CFAP68: variants seen among roughly 807,000 people sequenced by gnomAD.
CFAP68 encodes cilia- and flagella-associated protein 68.
chr11:111,884,525 G>A, the CFAP68 span: 3 of 151,446 alleles, frequency 2.0e-5, no homozygotes, highest in African/African-American at 4.9e-5. Context: ...AACCACTGTG[G>A]TCTTCCCTTC....
chr11:111,882,467 A>T, the CFAP68 span: 3 of 1,614,088 alleles, frequency 1.9e-6, no homozygotes, highest in Non-Finnish European at 1.7e-6. Context: ...TAATATGTCC[A>T]AGTTTTTCCA....
chr11:111,880,931 AC>A, the CFAP68 span: 1 of 379,046 alleles, frequency 2.6e-6, no homozygotes, highest in Non-Finnish European at 5.3e-6. Context: ...ATACAATTAT[AC>A]TTTCACTTTG....
chr11:111,884,240 G>A, the CFAP68 span: 5 of 177,496 alleles, frequency 2.8e-5, no homozygotes, highest in East Asian at 1.8e-4. Flanking sequence ...TTGGGAGGCC[G>A]AGGCAGGTGG....
chr11:111,880,700 G>A, the CFAP68 span: 1 of 452,004 alleles, frequency 2.2e-6, no homozygotes, highest in East Asian at 7.0e-5. Flanking sequence ...TGCATATGGA[G>A]TAGCCATTCT....
At chr11:111,880,859 A>C in the CFAP68 span, 1 of 452,238 alleles carries the variant, frequency 2.2e-6, no homozygotes, top group South Asian at 1.6e-5. Context: ...AGCCATTTTA[A>C]CAGACTGAAT....
At chr11:111,881,711 A>G in the CFAP68 span, 3 of 1,342,444 alleles carry the variant, frequency 2.2e-6, no homozygotes, top group African/African-American at 1.5e-5. Flanking sequence ...TCAGACATTG[A>G]TCATCTGGTA....
the CFAP68 span, chr11:111,882,500 A>G: frequency 5.0e-6 from 8 of 1,614,160 alleles, no homozygotes; most frequent in South Asian, 6.6e-5. Context: ...ATGCACCACT[A>G]ATGAGAATAC....
the CFAP68 span, among the ~76,000 whole-genome samples, chr11:111,882,905 C>T: frequency 6.6e-6 from 1 of 152,124 alleles, no homozygotes; most frequent in Non-Finnish European, 1.5e-5. Flanking sequence ...CTAGCTTTTC[C>T]CCTGGTCCTT....
the CFAP68 span, chr11:111,882,604 C>G: frequency 6.5e-7 from 1 of 1,546,552 alleles, no homozygotes; most frequent in Non-Finnish European, 8.7e-7. Context: ...CCCAGGTAAT[C>G]TAACTTTGTC....
At chr11:111,881,420 G>A in the CFAP68 span, 2 of 1,532,446 alleles carry the variant, frequency 1.3e-6, no homozygotes, top group South Asian at 1.2e-5. Context: ...AGGCAAGTGG[G>A]TGGTGACTCC....
the CFAP68 span, chr11:111,881,124 T>G: frequency 1.0e-6 from 1 of 1,004,388 alleles, no homozygotes; most frequent in African/African-American, 1.7e-5. Context: ...AGTGACTGGA[T>G]GAAAATTAAA....
the CFAP68 span, chr11:111,881,231 A>G: frequency 7.3e-7 from 1 of 1,365,712 alleles, no homozygotes. Context: ...AGTTACACCT[A>G]GATCTCCAGT....
the CFAP68 span, chr11:111,880,663 G>A: frequency 5.1e-6 from 2 of 393,348 alleles, no homozygotes; most frequent in East Asian, 7.6e-5. Context: ...CATAAAAATG[G>A]GCAACCAGCT....
At chr11:111,881,377 G>A in the CFAP68 span, 1 of 1,504,886 alleles carries the variant, frequency 6.6e-7, no homozygotes. Flanking sequence ...ATCCTTCAAT[G>A]CTGCATTATT....
chr11:111,882,777 A>G, the CFAP68 span, among the ~76,000 whole-genome samples: 1 of 152,296 alleles, frequency 6.6e-6, no homozygotes, highest in East Asian at 1.9e-4. Context: ...TTTACTGTCA[A>G]GTTGAATATT....
the CFAP68 span, chr11:111,885,171 AAAAG>A: frequency 6.6e-6 from 1 of 151,570 alleles, no homozygotes; most frequent in African/African-American, 2.4e-5. Flanking sequence ...AAAGAAAAGA[AAAAG>A]AAAAAAAAAA....
chr11:111,879,572 C>T, the CFAP68 span: 50 of 1,614,020 alleles, frequency 3.1e-5, no homozygotes, highest in Non-Finnish European at 4.2e-5. Flanking sequence ...TGGCTGCCTC[C>T]CAGTGTCTCT....
the CFAP68 span, among the ~76,000 whole-genome samples, chr11:111,881,935 A>T: frequency 6.6e-6 from 1 of 152,214 alleles, no homozygotes; most frequent in South Asian, 2.1e-4. Context: ...GCATCATTTG[A>T]GCTAGAAGGA....
At chr11:111,883,165 T>C in the CFAP68 span, 8 of 1,580,178 alleles carry the variant, frequency 5.1e-6, no homozygotes, top group Middle Eastern at 1.7e-4. Flanking sequence ...CAACATATGA[T>C]ACAAGCTACA....
Sources: allele counts gnomAD v4.1 joint callset (sites outside exome capture counted in the v4.1 genomes callset), GRCh38; gene constraint gnomAD v4.1.1; transcripts MANE v1.5; gene names NCBI Gene and HGNC (gene_info 2026-07-23, HGNC 2026-07-21).